The following RYR2 variants were observed in gnomAD, a reference collection of about 807,000 sequenced individuals.
The protein encoded by RYR2 is cardiac muscle ryanodine receptor-calcium release channel.
A neutral mutation model predicts 601.1 loss-of-function variants in RYR2; 227 were observed. That is an observed-to-expected ratio of 0.38 (90% CI 0.34 to 0.42). The LOEUF (loss-of-function observed/expected upper bound fraction) is 0.42. Among genes scored for constraint, RYR2 ranks in the 10% least tolerant of loss-of-function variants. The probability of loss-of-function intolerance (pLI) is 1.00; values close to 1 mark genes in which losing one functional copy is unlikely to be tolerated. For missense variants in RYR2, 4,646 were observed against 6,156.5 expected, an observed-to-expected ratio of 0.75 and a Z score of 8.21; for synonymous variants, 2,223 against 2,175.1, an observed-to-expected ratio of 1.02 and a Z score of -0.61.
intron 1 of RYR2, among the ~76,000 whole-genome samples, chr1:237,240,151 T>C (rs1033622482): frequency 6.6e-6 from 1 of 152,222 alleles, no homozygotes; most frequent in African/African-American, 2.4e-5. Flanking sequence ...TCAGAAGTTT[T>C]GGCATTCTGC....
chr1:237,657,968 A>G lies in RYR2; in HGVS notation c.8154A>G (p.Glu2718=). ...GTATTACAATTCCTGAGAAATTGGA[A>G]TACTTCATTAACAAATATGCAGAAC... ...TSNITIPEKL[E]YFINKYAEHS... The change falls in exon 54 of 105, where the codon GAA becomes GAG. Residue 2718 remains glutamate (E), a synonymous_variant. Transcript: ENST00000366574. 3 of 1,517,930 alleles carry G rather than the reference A, an allele frequency of 2.0e-6. No individual in the cohort carries two copies. The highest frequency in any genetic ancestry group is 1.4e-5 in the African/African-American group (1 of 71,586). 94.0% of individuals were successfully genotyped at this position (1,517,930 alleles called of 1,614,324 possible).
chr1:237,766,487 T>TCA (rs75122511), intron 84 of RYR2, among the ~76,000 whole-genome samples: 15,625 of 152,176 alleles, frequency 0.1, 1,196 homozygotes, highest in African/African-American at 0.21. Context: ...AGTAGACTTT[T>TCA]CACAGTTAAA....
At chr1:237,756,518 G>T in intron 81 of RYR2, 131 bp downstream of exon 81, 1 of 553,532 alleles carries the variant, frequency 1.8e-6, no homozygotes, top group Non-Finnish European at 3.2e-6. Context: ...TATATCAGGT[G>T]CCTATTCACA....
intron 16 of RYR2, among the ~76,000 whole-genome samples, chr1:237,459,828 T>A (rs1463126351): frequency 6.6e-6 from 1 of 152,086 alleles, no homozygotes; most frequent in Non-Finnish European, 1.5e-5. Context: ...TCCTAATTAG[T>A]TTTGAGGTTG....
intron 51 of RYR2, 42 bp downstream of exon 51, chr1:237,651,543 C>G (rs531775183): frequency 8.2e-7 from 1 of 1,223,612 alleles, no homozygotes; most frequent in African/African-American, 1.5e-5. Context: ...TTACTGGCTT[C>G]TCTGACTTTA....
chr1:237,643,315 TC>T lies in RYR2; in HGVS notation c.7222-8del. ...ACAAAGTTGTTCTAATGTTTTTTTT[TC>T]CCCTGTATAGTTGATTCATGCCGGG... is the stretch of plus-strand genomic sequence containing the variant. On this transcript the variant is annotated splice_polypyrimidine_tract_variant and intron_variant, in intron 47 of 104. Transcript: ENST00000366574. The T allele has an allele frequency of 1.9e-6, 3 of 1,607,450 alleles. No individual in the cohort carries two copies. Among genetic ancestry groups the T allele is most frequent in the Non-Finnish European group, 2.5e-6 (3 of 1,176,648 alleles).
intron 2 of RYR2, among the ~76,000 whole-genome samples, chr1:237,273,093 A>G (rs1364944614): frequency 6.6e-6 from 1 of 152,102 alleles, no homozygotes; most frequent in Non-Finnish European, 1.5e-5. Context: ...ACATTGTAAT[A>G]TATAATAAAT....
At chr1:237,238,303 C>T (rs1484754192) in intron 1 of RYR2, among the ~76,000 whole-genome samples, 1 of 152,068 alleles carries the variant, frequency 6.6e-6, no homozygotes, top group Non-Finnish European at 1.5e-5. Flanking sequence ...ATCTTTGAGT[C>T]CACCTATGAC....
At chr1:237,219,667 G>A (rs2149132395) in intron 1 of RYR2, among the ~76,000 whole-genome samples, 1 of 152,252 alleles carries the variant, frequency 6.6e-6, no homozygotes, top group African/African-American at 2.4e-5. Context: ...AAGAAGGAGG[G>A]AAAGGATATA....
At chr1:237,742,420 T>C (rs904354624) in intron 80 of RYR2, 71 bp downstream of exon 80, 54 of 1,113,448 alleles carry the variant, frequency 4.8e-5, no homozygotes, top group Non-Finnish European at 6.6e-5. Flanking sequence ...ATAACTGACA[T>C]TTATGTTTCT....
At chr1:237,761,096 T>C (rs1693397162) in intron 84 of RYR2, 68 bp downstream of exon 84, 2 of 877,598 alleles carry the variant, frequency 2.3e-6, no homozygotes, top group East Asian at 2.6e-5. Flanking sequence ...CAATTATCAA[T>C]TACCTTTCAA....
In RYR2 at chr1:237,127,979, G is replaced by A. The variant is rs561569417; in HGVS notation, c.48+85410G>A. ...AGAGATGCTCCTCACTTCCCAGATG[G>A]GGTGGCGGCCGGGCAGAGGCTGCAA... On this transcript the variant is annotated intron_variant, in intron 1 of 104. Coordinates refer to ENST00000366574, the MANE Select transcript of RYR2 (RefSeq NM_001035.3). Among the ~76,000 whole-genome samples the A allele has an allele frequency of 4.6e-3, 707 of 152,296 alleles. 2 individuals carry two copies. The highest frequency in any genetic ancestry group is 0.016 in the African/African-American group (666 of 41,570).
At chr1:237,612,331 T>C (rs992543852) in intron 36 of RYR2, among the ~76,000 whole-genome samples, 4 of 152,168 alleles carry the variant, frequency 2.6e-5, no homozygotes, top group Non-Finnish European at 4.4e-5. Context: ...ATGATAAAAG[T>C]GTTCTAAACT....
At chr1:237,507,240 C>A (rs959908258) in intron 23 of RYR2, among the ~76,000 whole-genome samples, 6 of 152,156 alleles carry the variant, frequency 3.9e-5, no homozygotes, top group African/African-American at 1.4e-4. Flanking sequence ...TGTGTAAAAG[C>A]GGAAACCTGT....
chr1:237,379,886 A>G lies in RYR2; in HGVS notation c.576+2451A>G, dbSNP rs573887730. Among the ~76,000 whole-genome samples, 79 of 152,340 alleles carry G rather than the reference A, an allele frequency of 5.2e-4. No homozygotes were observed. The Middle Eastern group carries it at 0.01, about 20-fold the overall frequency. ...GTTGTTAAAATTTCACTTTCATTTG[A>G]TAATGAAGTCGTTGCTTTTATTGTT... On this transcript the variant is annotated intron_variant, in intron 8 of 104. Transcript: ENST00000366574.
At chr1:237,279,444 C>T (rs919220977) in intron 2 of RYR2, among the ~76,000 whole-genome samples, 3 of 152,152 alleles carry the variant, frequency 2.0e-5, no homozygotes, top group Non-Finnish European at 2.9e-5. Flanking sequence ...CACCACTGTA[C>T]TCCAGCCTAG....
chr1:237,507,592 T>C (rs951418130), intron 23 of RYR2, among the ~76,000 whole-genome samples: 1 of 152,268 alleles, frequency 6.6e-6, no homozygotes, highest in African/African-American at 2.4e-5. Context: ...AGTAGTATCA[T>C]GTGATACTCC....
At chr1:237,424,106 C>T (rs1705876639) in intron 12 of RYR2, among the ~76,000 whole-genome samples, 1 of 152,100 alleles carries the variant, frequency 6.6e-6, no homozygotes, top group South Asian at 2.1e-4. Context: ...GATCCAGTCA[C>T]GTCTTTCCCT....
chr1:237,715,013 A>T (rs1689153781), intron 71 of RYR2, among the ~76,000 whole-genome samples: 1 of 145,510 alleles, frequency 6.9e-6, no homozygotes, highest in Non-Finnish European at 1.5e-5. Context: ...AAAAAAAAAA[A>T]AAAAAAAAAA....
Sources: allele counts gnomAD v4.1 joint callset (sites outside exome capture counted in the v4.1 genomes callset), GRCh38; gene constraint gnomAD v4.1.1; transcripts MANE v1.5; gene names NCBI Gene and HGNC (gene_info 2026-07-23, HGNC 2026-07-21).